Variants in ELMO1 observed in about 807,000 individuals in gnomAD.
ELMO1 encodes engulfment and cell motility protein 1.
In ELMO1, 26 loss-of-function variants were observed where a neutral mutation model predicts 98.9. The ratio of observed to expected loss-of-function variants is 0.26; its 90% CI spans 0.19 to 0.36. ELMO1 has a LOEUF of 0.36. ELMO1 is among the 10% of genes least tolerant of loss of function. The pLI, the probability that ELMO1 is intolerant of heterozygous loss-of-function variation, is 1.00. For synonymous variants in ELMO1, 346 were observed against 346.0 expected, an observed-to-expected ratio of 1.00 and a Z score of 0.00; for missense variants, 627 against 935.2, an observed-to-expected ratio of 0.67 and a Z score of 4.30.
At chr7:37,103,649 C>T (rs992576394) in intron 14 of ELMO1, among the ~76,000 whole-genome samples, 1 of 151,538 alleles carries the variant, frequency 6.6e-6, no homozygotes, top group African/African-American at 2.4e-5. Flanking sequence ...GCACGTTGTG[C>T]ACATGTACCC....
intron 1 of ELMO1, among the ~76,000 whole-genome samples, chr7:37,390,000 G>A (rs1035785434): frequency 2.2e-4 from 34 of 151,948 alleles, no homozygotes; most frequent in Admixed American, 1.8e-3. Flanking sequence ...ATTCTCTAGC[G>A]CTTTCATCCC....
intron 20 of ELMO1, among the ~76,000 whole-genome samples, chr7:36,868,241 C>T (rs1803188690): frequency 1.3e-5 from 2 of 152,144 alleles, no homozygotes; most frequent in African/African-American, 4.8e-5. Context: ...GGACATCTGA[C>T]TTTCCACATT....
At chr7:36,999,131 G>T (rs1273988393) in intron 16 of ELMO1, among the ~76,000 whole-genome samples, 1 of 152,090 alleles carries the variant, frequency 6.6e-6, no homozygotes, top group African/African-American at 2.4e-5. Context: ...GGAGGGTGGT[G>T]AGTGCAGGAT....
At chr7:36,942,575 C>T (rs562216401) in intron 16 of ELMO1, among the ~76,000 whole-genome samples, 16 of 152,240 alleles carry the variant, frequency 1.1e-4, no homozygotes, top group African/African-American at 3.4e-4. Flanking sequence ...TTTTCTTTGG[C>T]GTAGACAACA....
Position 37,124,922 on chromosome 7 carries a change from T to C in ELMO1, c.1191+8208A>G, listed in dbSNP as rs11979739. ...TACAGTAACCAAAACAGCATGGTAC[T>C]GGTACCAAAACAGAGATATAGATCA... On this transcript the variant is annotated intron_variant, in intron 14 of 21. Coordinates refer to ENST00000310758, the MANE Select transcript of ELMO1 (RefSeq NM_014800.11). Among the ~76,000 whole-genome samples the C allele has an allele frequency of 7.9e-3, 1,209 of 152,340 alleles. 14 individuals are homozygous for C. Among genetic ancestry groups the C allele is most frequent in the African/African-American group, 0.028 (1,156 of 41,568 alleles).
chr7:36,950,406 C>T (rs1295211643), intron 16 of ELMO1, among the ~76,000 whole-genome samples: 2 of 152,180 alleles, frequency 1.3e-5, no homozygotes, highest in African/African-American at 2.4e-5. Context: ...GTTCACTCTT[C>T]ACAGTGGGTG....
chr7:36,930,942 C>A (rs1292995484), intron 16 of ELMO1, among the ~76,000 whole-genome samples: 2 of 152,224 alleles, frequency 1.3e-5, no homozygotes, highest in Non-Finnish European at 2.9e-5. Flanking sequence ...AGTCTCCTAT[C>A]TCTTCCTCCA....
At chr7:37,134,558 CAAAA>C (rs370768267) in intron 13 of ELMO1, among the ~76,000 whole-genome samples, 5 of 89,228 alleles carry the variant, frequency 5.6e-5, no homozygotes, top group Non-Finnish European at 5.1e-5. Flanking sequence ...GACTCCATCT[CAAAA>C]AAAAAAAAAA....
chr7:37,005,644 A>C (rs1281947747), intron 16 of ELMO1, among the ~76,000 whole-genome samples: 3 of 144,018 alleles, frequency 2.1e-5, no homozygotes, highest in East Asian at 4.1e-4. Context: ...GTGAGCCGAG[A>C]CTGTGCCATG....
intron 16 of ELMO1, among the ~76,000 whole-genome samples, chr7:36,996,818 G>A (rs537647203): frequency 3.6e-4 from 55 of 152,252 alleles, no homozygotes; most frequent in African/African-American, 1.2e-3. Flanking sequence ...CACAATCAGG[G>A]ACAGATACTG....
chr7:37,340,808 T>A (rs1800672573), intron 2 of ELMO1, among the ~76,000 whole-genome samples: 1 of 152,170 alleles, frequency 6.6e-6, no homozygotes, highest in African/African-American at 2.4e-5. Flanking sequence ...TACACTAACC[T>A]CACAGGTAAG....
intron 15 of ELMO1, among the ~76,000 whole-genome samples, chr7:37,039,731 T>C (rs1167803474): frequency 1.3e-5 from 2 of 152,218 alleles, no homozygotes; most frequent in East Asian, 3.9e-4. Context: ...TTCCTAGCTA[T>C]CGACAATAAA....
intron 1 of ELMO1, among the ~76,000 whole-genome samples, chr7:37,395,290 C>T (rs1430293217): frequency 7.0e-6 from 1 of 141,930 alleles, no homozygotes; most frequent in Non-Finnish European, 1.5e-5. Context: ...TTGCTTGAAC[C>T]CGGGAGGCGG....
At chr7:36,933,336 C>G (rs1319331825) in intron 16 of ELMO1, among the ~76,000 whole-genome samples, 1 of 152,148 alleles carries the variant, frequency 6.6e-6, no homozygotes, top group Non-Finnish European at 1.5e-5. Flanking sequence ...ACAGGAAGAA[C>G]TAGTCGCTTT....
intron 1 of ELMO1, among the ~76,000 whole-genome samples, chr7:37,407,068 C>A (rs902848372): frequency 6.6e-6 from 1 of 152,102 alleles, no homozygotes; most frequent in African/African-American, 2.4e-5. Context: ...AAAATCTGCA[C>A]GCATGTTTAC....
Position 37,249,205 on chromosome 7 carries a change from T to C in ELMO1, c.414-4814A>G, listed in dbSNP as rs138277037. Among the ~76,000 whole-genome samples the C allele has an allele frequency of 6.7e-3, 1,025 of 152,284 alleles. 2 individuals are homozygous for C. The highest frequency in any genetic ancestry group is 0.011 in the Non-Finnish European group (717 of 68,016). ...CTGGTTCAGGCAAGATGAAAAGAATTTGAATAACGAAAGGTTAATATGAGA... is the reference window on the plus strand; with the variant it reads ...CTGGTTCAGGCAAGATGAAAAGAATCTGAATAACGAAAGGTTAATATGAGA... On this transcript the variant is annotated intron_variant, in intron 6 of 21. Transcript: ENST00000310758.
At chr7:37,321,737 A>AAAAAAAAAAAC (rs1562612115) in intron 2 of ELMO1, among the ~76,000 whole-genome samples, 2 of 143,288 alleles carry the variant, frequency 1.4e-5, no homozygotes, top group South Asian at 2.2e-4. Context: ...AAAAAAAAAA[A>AAAAAAAAAAAC]ACACAGAAAA....
chr7:36,955,373 T>A (rs1788358617), intron 16 of ELMO1, among the ~76,000 whole-genome samples: 1 of 152,226 alleles, frequency 6.6e-6, no homozygotes, highest in African/African-American at 2.4e-5. Flanking sequence ...CAGAATCTAT[T>A]TTCAAGCACA....
chr7:37,024,177 G>C (rs2129181320), intron 15 of ELMO1, among the ~76,000 whole-genome samples: 1 of 152,226 alleles, frequency 6.6e-6, no homozygotes, highest in Non-Finnish European at 1.5e-5. Flanking sequence ...ACGGTCACGA[G>C]CATGGCCCTG....
Sources: gnomAD v4.1 joint callset for allele counts (sites outside exome capture counted in the v4.1 genomes callset) on GRCh38, gnomAD v4.1.1 for gene constraint, MANE v1.5 for transcripts, NCBI Gene and HGNC (gene_info 2026-07-23, HGNC 2026-07-21) for gene names.